CTNNB1: variants seen among roughly 807,000 people sequenced by gnomAD.
CTNNB1 encodes catenin beta-1.
CTNNB1 carries 6 observed loss-of-function variants against 82.5 expected under a neutral mutation model. The observed-to-expected ratio is 0.07, with a 90% CI of 0.04 to 0.14. The LOEUF (loss-of-function observed/expected upper bound fraction) is 0.14, where lower values mean the gene tolerates loss of function less well. Ranked by LOEUF, CTNNB1 falls within the 10% of genes least tolerant of loss-of-function variation. The probability of loss-of-function intolerance (pLI) is 1.00; values close to 1 mark genes in which losing one functional copy is unlikely to be tolerated. For missense variants in CTNNB1, 529 were observed against 980.4 expected, an observed-to-expected ratio of 0.54 and a Z score of 6.15; for synonymous variants, 312 against 329.7, an observed-to-expected ratio of 0.95 and a Z score of 0.58.
At chr3:41,228,464 T>C (rs982905065) in intron 7 of CTNNB1, among the ~76,000 whole-genome samples, 3 of 152,238 alleles carry the variant, frequency 2.0e-5, no homozygotes, top group African/African-American at 7.2e-5. Flanking sequence ...ATTTCTCTAA[T>C]GATCAGTGAT....
chr3:41,227,427 GGTGGTAGAACTT>G, intron 7 of CTNNB1, 75 bp downstream of exon 7: 1 of 1,523,598 alleles, frequency 6.6e-7, no homozygotes, highest in South Asian at 1.1e-5. Context: ...CTTAGGAAAA[GGTGGTAGAACTT>G]TAACTACTGA....
intron 1 of CTNNB1, among the ~76,000 whole-genome samples, chr3:41,206,319 A>T (rs530031088): frequency 6.6e-6 from 1 of 152,304 alleles, no homozygotes; most frequent in East Asian, 1.9e-4. Flanking sequence ...CTGAGTTGGA[A>T]GCCAAAGACG....
At chr3:41,210,090 TTCTTTATA>T (rs2077743792) in intron 1 of CTNNB1, among the ~76,000 whole-genome samples, 1 of 152,202 alleles carries the variant, frequency 6.6e-6, no homozygotes, top group Non-Finnish European at 1.5e-5. Context: ...TACAAAAATT[TTCTTTATA>T]TCTTTATAAG....
At chr3:41,215,561 C>T (rs1575300685) in intron 1 of CTNNB1, among the ~76,000 whole-genome samples, 2 of 151,952 alleles carry the variant, frequency 1.3e-5, no homozygotes, top group East Asian at 1.9e-4. Context: ...ATATATTAAG[C>T]GAGAAGCTGT....
chr3:41,237,942 A>T (rs1281844268), intron 13 of CTNNB1, 74 bp from the exon 14 acceptor site: 7 of 1,254,252 alleles, frequency 5.6e-6, no homozygotes, highest in South Asian at 2.4e-5. Flanking sequence ...AGTATGCTTT[A>T]AAAAAAATTA....
chr3:41,239,059 A>C, intron 14 of CTNNB1, 75 bp from the exon 15 acceptor site: 1 of 1,267,098 alleles, frequency 7.9e-7, no homozygotes, highest in Non-Finnish European at 1.1e-6. Context: ...CTCAGTGTTA[A>C]CGTCTATGTC....
intron 6 of CTNNB1, among the ~76,000 whole-genome samples, chr3:41,226,759 T>G (rs966716767): frequency 2.6e-5 from 4 of 152,182 alleles, no homozygotes; most frequent in African/African-American, 9.7e-5. Flanking sequence ...CAAGCATGAA[T>G]GATCATTTTA....
intron 6 of CTNNB1, 121 bp from the exon 7 acceptor site, chr3:41,227,087 T>G (rs2078192855): frequency 3.5e-6 from 3 of 845,794 alleles, no homozygotes; most frequent in African/African-American, 3.4e-5. Context: ...AGGAATACAT[T>G]TAGGTCCAAT....
intron 1 of CTNNB1, among the ~76,000 whole-genome samples, chr3:41,202,488 C>T (rs1038244947): frequency 3.9e-5 from 6 of 152,174 alleles, no homozygotes; most frequent in Non-Finnish European, 7.3e-5. Flanking sequence ...TTTATTGGAA[C>T]TGTGGTATCT....
intron 1 of CTNNB1, among the ~76,000 whole-genome samples, chr3:41,213,935 G>C (rs1199293292): frequency 6.6e-6 from 1 of 152,144 alleles, no homozygotes; most frequent in African/African-American, 2.4e-5. Flanking sequence ...TATTACTAGA[G>C]TAAGGCTGTC....
At chr3:41,206,450 G>A (rs1575285148) in intron 1 of CTNNB1, among the ~76,000 whole-genome samples, 1 of 152,114 alleles carries the variant, frequency 6.6e-6, no homozygotes, top group African/African-American at 2.4e-5. Context: ...CTTATTGGAT[G>A]TCCATATAAA....
At chr3:41,199,893 C>T (rs1196050836) in intron 1 of CTNNB1, 1 of 138,054 alleles carries the variant, frequency 7.2e-6, no homozygotes, top group East Asian at 2.4e-4. Flanking sequence ...TCTCTGGGGC[C>T]CTGGGGGCAT....
At chr3:41,205,523 A>G (rs2077630606) in intron 1 of CTNNB1, among the ~76,000 whole-genome samples, 3 of 152,172 alleles carry the variant, frequency 2.0e-5, no homozygotes, top group African/African-American at 7.2e-5. Flanking sequence ...GGTGAATACA[A>G]AAATTAGCCA....
At chr3:41,206,189 A>G (rs1472245605) in intron 1 of CTNNB1, among the ~76,000 whole-genome samples, 28 of 152,200 alleles carry the variant, frequency 1.8e-4, no homozygotes, top group Non-Finnish European at 2.4e-4. Context: ...CTGACTTGTA[A>G]CAGATATGTT....
intron 1 of CTNNB1, among the ~76,000 whole-genome samples, chr3:41,211,959 C>G (rs2077800345): frequency 6.6e-6 from 1 of 152,198 alleles, no homozygotes; most frequent in Non-Finnish European, 1.5e-5. Context: ...CAGAAACTTA[C>G]AGGGCTTACC....
chr3:41,233,916 G>A (rs377037426), intron 9 of CTNNB1, 49 bp downstream of exon 9: 1 of 1,584,180 alleles, frequency 6.3e-7, no homozygotes, highest in Non-Finnish European at 8.7e-7. Context: ...TGAAAATGAA[G>A]CATCTCTAGC....
intron 1 of CTNNB1, among the ~76,000 whole-genome samples, chr3:41,207,021 T>C (rs2077664061): frequency 6.6e-6 from 1 of 152,230 alleles, no homozygotes; most frequent in Non-Finnish European, 1.5e-5. Context: ...CTGAATTTTA[T>C]TGTTTAGTTT....
chr3:41,237,797 C>A, intron 13 of CTNNB1: 9 of 475,642 alleles, frequency 1.9e-5, no homozygotes, highest in Non-Finnish European at 3.4e-5. Flanking sequence ...GTTGAAAGAA[C>A]AAGTCAGTGA....
chr3:41,207,178 T>C (rs912906664), intron 1 of CTNNB1, among the ~76,000 whole-genome samples: 1 of 152,108 alleles, frequency 6.6e-6, no homozygotes, highest in Non-Finnish European at 1.5e-5. Flanking sequence ...GGCTAGAAAG[T>C]TTACAGATGA....
Sources: allele counts gnomAD v4.1 joint callset (sites outside exome capture counted in the v4.1 genomes callset), GRCh38; gene constraint gnomAD v4.1.1; transcripts MANE v1.5; gene names NCBI Gene and HGNC (gene_info 2026-07-23, HGNC 2026-07-21).